The following FLT3 variants were observed in gnomAD, a reference collection of about 807,000 sequenced individuals.
FLT3 encodes receptor-type tyrosine-protein kinase FLT3.
In FLT3, 46 loss-of-function variants were observed where a neutral mutation model predicts 126.6. The ratio of observed to expected loss-of-function variants is 0.36; its 90% CI spans 0.29 to 0.46. The LOEUF (loss-of-function observed/expected upper bound fraction) is 0.46. Ranked by LOEUF, FLT3 falls within the 20% of genes least tolerant of loss-of-function variation. FLT3 has a pLI of 1.00. For synonymous variants in FLT3, 404 were observed against 434.4 expected (o/e 0.93, Z 0.87); for missense variants, 1,069 against 1,190.3 (o/e 0.90, Z 1.50).
chr13:28,005,617 A>G (rs1870815020), intron 23 of FLT3, among the ~76,000 whole-genome samples: 1 of 152,152 alleles, frequency 6.6e-6, no homozygotes. Flanking sequence ...AAACAAACTG[A>G]AAAGTGCACA....
chr13:28,084,320 A>T (rs1246602240), intron 1 of FLT3, among the ~76,000 whole-genome samples: 3 of 151,856 alleles, frequency 2.0e-5, no homozygotes, highest in African/African-American at 7.3e-5. Context: ...TAATTAATTA[A>T]TTTTTTATTT....
At chr13:28,049,959 A>C (rs1013548140) in intron 6 of FLT3, 136 bp downstream of exon 6, 23 of 1,168,810 alleles carry the variant, frequency 2.0e-5, no homozygotes, top group African/African-American at 4.6e-5. Context: ...AGAATCCATA[A>C]TATTGCATTT....
intron 1 of FLT3, among the ~76,000 whole-genome samples, chr13:28,097,216 GAAAGAAAGAA>G (rs1398686958): frequency 2.1e-5 from 3 of 142,752 alleles, no homozygotes; most frequent in Non-Finnish European, 4.4e-5. Flanking sequence ...ACTGTCGAAA[GAAAGAAAGAA>G]AAAGAAAGAA....
intron 5 of FLT3, among the ~76,000 whole-genome samples, chr13:28,051,423 G>A (rs2137735175): frequency 6.6e-6 from 1 of 151,494 alleles, no homozygotes. Flanking sequence ...TTTTAGTAGA[G>A]ACGGGGTTTG....
At position 28,004,108 on chromosome 13, in the gene FLT3, T is replaced by G. The variant is rs763135511; in HGVS notation, c.2926A>C (p.Ser976Arg). Residue 976 changes from serine (S) to arginine (R), a missense_variant, in exon 24 of 24, where the codon AGC becomes CGC. By Grantham distance (110) the Ser-to-Arg change is moderately radical. Transcript: ENST00000241453. ...PHTYQNRRPF[S>R]REMDLGLLSP... ...AGTAGCCCCAAATCCATCTCTCTGC[T>G]GAAAGGTCGCCTGTTTTGGTAGGTG... 3.7e-5 allele frequency: 60 copies of G among 1,614,002 alleles called. No homozygotes were observed. The highest frequency in any genetic ancestry group is 4.5e-5 in the Non-Finnish European group (53 of 1,180,036).
rs147075807 is a variant in FLT3 at position 28,015,687 on chromosome 13, T to C, written c.2556A>G (p.Val852=). 6.2e-7 allele frequency: 1 copy of C among 1,611,680 alleles called. No homozygotes were observed. Residue 852 remains valine, a synonymous_variant, in exon 21 of 24, where the codon GTA becomes GTG. Transcript: ENST00000241453. ...YVVRGNARLP[V]KWMAPESLFE... is the part of the protein sequence containing the mutation. The stretch of plus-strand genomic sequence containing the variant: ...ACAGGCTTTCGGGGGCCATCCATTT[T>C]ACAGGCAGACGGGCCTGTGGAAAAC...
At chr13:28,098,984 A>C (rs1021244344) in intron 1 of FLT3, among the ~76,000 whole-genome samples, 1 of 152,150 alleles carries the variant, frequency 6.6e-6, no homozygotes, top group Non-Finnish European at 1.5e-5. Context: ...TGGAGCTAGA[A>C]TTGCTCTATA....
At chr13:28,013,950 GT>G (rs1340094428) in intron 23 of FLT3, among the ~76,000 whole-genome samples, 2 of 151,714 alleles carry the variant, frequency 1.3e-5, no homozygotes, top group Admixed American at 6.6e-5. Flanking sequence ...CAGGAAAGGT[GT>G]TTTTTTTCCC....
chr13:28,045,608 C>T (rs1005618171), intron 9 of FLT3, among the ~76,000 whole-genome samples: 1 of 152,108 alleles, frequency 6.6e-6, no homozygotes, highest in African/African-American at 2.4e-5. Context: ...GCCTGTAATC[C>T]CAGCACTTTG....
At chr13:28,033,018 C>T (rs1002111284) in intron 15 of FLT3, among the ~76,000 whole-genome samples, 5 of 152,050 alleles carry the variant, frequency 3.3e-5, no homozygotes, top group Admixed American at 6.6e-5. Context: ...ATACAAAGGG[C>T]CCCAGTTTTC....
chr13:28,008,679 A>G (rs1270810383), intron 23 of FLT3, among the ~76,000 whole-genome samples: 1 of 152,022 alleles, frequency 6.6e-6, no homozygotes, highest in Non-Finnish European at 1.5e-5. Context: ...GGGTTTCACC[A>G]GGTTGGCCAG....
At chr13:28,060,856 C>T (rs552595693) in intron 3 of FLT3, among the ~76,000 whole-genome samples, 10 of 151,724 alleles carry the variant, frequency 6.6e-5, no homozygotes, top group Admixed American at 2.0e-4. Context: ...CCTCCCACCT[C>T]GGCCTCCCAA....
intron 15 of FLT3, among the ~76,000 whole-genome samples, chr13:28,030,218 C>T (rs1873195972): frequency 6.6e-6 from 1 of 152,150 alleles, no homozygotes; most frequent in Admixed American, 6.5e-5. Flanking sequence ...AAGATTTTAG[C>T]TTGGGGGTGG....
intron 19 of FLT3, among the ~76,000 whole-genome samples, chr13:28,022,892 C>T (rs1352043728): frequency 6.6e-6 from 1 of 152,220 alleles, no homozygotes; most frequent in Non-Finnish European, 1.5e-5. Context: ...GGCAGTGAGC[C>T]TGCAGGACTG....
intron 3 of FLT3, among the ~76,000 whole-genome samples, chr13:28,060,742 T>C (rs1876481224): frequency 6.6e-6 from 1 of 151,950 alleles, no homozygotes; most frequent in South Asian, 2.1e-4. Flanking sequence ...GTAGCTGTGA[T>C]TACAGGCCCG....
chr13:28,091,292 G>A (rs1025184347), intron 1 of FLT3, among the ~76,000 whole-genome samples: 2 of 126,620 alleles, frequency 1.6e-5, no homozygotes, highest in East Asian at 2.3e-4. Flanking sequence ...CGCGATCTCG[G>A]CTCACTGCAA....
At chr13:28,008,738 C>G (rs183006167) in intron 23 of FLT3, among the ~76,000 whole-genome samples, 102 of 152,202 alleles carry the variant, frequency 6.7e-4, no homozygotes, top group African/African-American at 2.4e-3. Flanking sequence ...CTCAGACTCC[C>G]AAAGTGCTAG....
In FLT3 at chr13:28,077,706, C is replaced by T. The variant is rs540571162; in HGVS notation, c.44-7094G>A. ...TCCCAACAGTCCCCCGTAGTCTTAA[C>T]TCATTTCAGCCTTAACCCAAATGTC... On this transcript the variant is annotated intron_variant, in intron 1 of 23. Transcript: ENST00000241453. 4.6e-5 allele frequency among the ~76,000 whole-genome samples: 7 copies of T among 152,314 alleles called. No individual in the cohort carries two copies. The South Asian group carries it at 1.5e-3, about 32-fold the overall frequency.
At chr13:28,056,292 G>GGGCA (rs1461447108) in intron 4 of FLT3, among the ~76,000 whole-genome samples, 7 of 152,192 alleles carry the variant, frequency 4.6e-5, no homozygotes, top group Non-Finnish European at 1.0e-4. Context: ...GAAACAGGCA[G>GGGCA]AAGATCTTCA....
Sources: gnomAD v4.1 joint callset for allele counts (sites outside exome capture counted in the v4.1 genomes callset) on GRCh38, gnomAD v4.1.1 for gene constraint, MANE v1.5 for transcripts, NCBI Gene and HGNC (gene_info 2026-07-23, HGNC 2026-07-21) for gene names.